EHBP1: variants seen among roughly 807,000 people sequenced by gnomAD.
The protein encoded by EHBP1 is EH domain-binding protein 1.
In EHBP1, 55 loss-of-function variants were observed where a neutral mutation model predicts 144.0. The ratio of observed to expected loss-of-function variants is 0.38; its 90% CI spans 0.31 to 0.48. The LOEUF is 0.48. Among genes scored for constraint, EHBP1 ranks in the 20% least tolerant of loss-of-function variants. The pLI is 0.98. For missense variants in EHBP1, 1,200 were observed against 1,364.2 expected (o/e 0.88, Z 1.90); for synonymous variants, 469 against 472.7 (o/e 0.99, Z 0.10).
chr2:62,806,128 T>A (rs1173361540), intron 5 of EHBP1, among the ~76,000 whole-genome samples: 1 of 151,922 alleles, frequency 6.6e-6, no homozygotes, highest in Admixed American at 6.6e-5. Flanking sequence ...TACAGGCATG[T>A]ACCACCATGC....
intron 8 of EHBP1, among the ~76,000 whole-genome samples, chr2:62,860,942 A>G (rs1457702307): frequency 6.6e-6 from 1 of 152,012 alleles, no homozygotes; most frequent in Admixed American, 6.5e-5. Flanking sequence ...TAGAGTCTTT[A>G]GAGTAAGTAT....
chr2:62,810,073 T>C (rs150134828), intron 5 of EHBP1, among the ~76,000 whole-genome samples: 18 of 152,320 alleles, frequency 1.2e-4, no homozygotes, highest in African/African-American at 4.3e-4. Context: ...TTTAAAAAAT[T>C]AGATTTTTAT....
intron 5 of EHBP1, among the ~76,000 whole-genome samples, chr2:62,825,485 A>G (rs542493636): frequency 2.6e-5 from 4 of 152,130 alleles, no homozygotes; most frequent in African/African-American, 7.2e-5. Context: ...CAGAAAGCCA[A>G]CTGTTTCTTT....
intron 10 of EHBP1, among the ~76,000 whole-genome samples, chr2:62,935,811 C>G (rs1017675024): frequency 1.3e-5 from 2 of 152,064 alleles, no homozygotes; most frequent in Non-Finnish European, 2.9e-5. Context: ...AAAGAAGATT[C>G]TGTATTACAG....
rs574942143 is a variant in EHBP1 at position 62,754,770 on chromosome 2, C to T, written c.162+7318C>T. On this transcript the variant is annotated intron_variant, in intron 3 of 22. Transcript: ENST00000431489. Reference sequence around the variant, plus strand: ...CTAGCAATGGGCAGGGCTCTGTGGGCGTGGGACCCTCCGAGCCAGGAGCGG... The same window carrying T: ...CTAGCAATGGGCAGGGCTCTGTGGGTGTGGGACCCTCCGAGCCAGGAGCGG... 6.4e-4 allele frequency among the ~76,000 whole-genome samples: 98 copies of T among 152,292 alleles called. 2 individuals carry two copies. Among genetic ancestry groups the T allele is most frequent in the Non-Finnish European group, 1.1e-3 (75 of 68,018 alleles).
At chr2:62,706,823 A>G (rs1433876849) in intron 1 of EHBP1, 74 bp from the exon 2 acceptor site, 8 of 202,538 alleles carry the variant, frequency 3.9e-5, no homozygotes, top group Non-Finnish European at 7.1e-5. Flanking sequence ...GCGTTATTTA[A>G]CATGGGTGGT....
At chr2:62,968,495 G>C (rs766130483) in intron 14 of EHBP1, among the ~76,000 whole-genome samples, 11 of 152,086 alleles carry the variant, frequency 7.2e-5, no homozygotes, top group Non-Finnish European at 1.2e-4. Context: ...GGTTTTTCTA[G>C]TGAAAAATAT....
At chr2:62,966,590 A>G (rs1386669906) in intron 14 of EHBP1, among the ~76,000 whole-genome samples, 2 of 152,208 alleles carry the variant, frequency 1.3e-5, no homozygotes, top group Non-Finnish European at 2.9e-5. Flanking sequence ...TTTGAAAATC[A>G]GTAAATTTTA....
chr2:63,026,096 A>G (rs1280042542), intron 19 of EHBP1, among the ~76,000 whole-genome samples: 3 of 152,322 alleles, frequency 2.0e-5, no homozygotes, highest in Non-Finnish European at 4.4e-5. Flanking sequence ...AAATATACTC[A>G]ATGAAACTAA....
intron 7 of EHBP1, among the ~76,000 whole-genome samples, chr2:62,832,127 GATTT>G (rs996837359): frequency 2.6e-5 from 4 of 152,062 alleles, no homozygotes; most frequent in African/African-American, 9.7e-5. Flanking sequence ...TTGCAATTTT[GATTT>G]ATTATTTGGC....
upstream of EHBP1, among the ~76,000 whole-genome samples, chr2:62,702,171 G>A (rs771553752): frequency 3.9e-5 from 6 of 152,224 alleles, no homozygotes; most frequent in Non-Finnish European, 8.8e-5. Context: ...TCATGGCAGA[G>A]AAGATTTAAA....
intron 7 of EHBP1, among the ~76,000 whole-genome samples, chr2:62,835,164 G>C (rs375563273): frequency 2.0e-5 from 3 of 151,948 alleles, no homozygotes; most frequent in African/African-American, 7.2e-5. Context: ...TAACCTATCT[G>C]TGTTATTTTA....
chr2:63,001,489 G>A (rs1042525454), intron 19 of EHBP1, among the ~76,000 whole-genome samples: 17 of 152,244 alleles, frequency 1.1e-4, no homozygotes, highest in Admixed American at 3.9e-4. Flanking sequence ...TAGTATTAAA[G>A]CTGCTTTAAA....
upstream of EHBP1, among the ~76,000 whole-genome samples, chr2:62,701,736 T>C (rs183875799): frequency 6.6e-6 from 1 of 152,272 alleles, no homozygotes; most frequent in Admixed American, 6.5e-5. Context: ...CCTGCCACAG[T>C]GAGATTTTAA....
intron 3 of EHBP1, among the ~76,000 whole-genome samples, chr2:62,752,406 G>GTTAATT (rs1312898827): frequency 6.6e-6 from 1 of 152,162 alleles, no homozygotes; most frequent in Non-Finnish European, 1.5e-5. Flanking sequence ...CAACTGTGTG[G>GTTAATT]TTAATTTTGG....
rs924814225 is a variant in EHBP1, at chr2:63,035,814, T to C, written c.3104-1721T>C. 1.1e-4 allele frequency among the ~76,000 whole-genome samples: 16 copies of C among 152,190 alleles called. No individual in the cohort carries two copies. In the East Asian group the frequency reaches 3.1e-3, roughly 29 times the overall value. On this transcript the variant is annotated intron_variant, in intron 19 of 22. Transcript: ENST00000431489. ...TTTTCTCAGCTTTTTCTTTTTACTC[T>C]TTCTTCTTTTGTTGCTACCCAGGGA... is the stretch of plus-strand genomic sequence containing the variant.
Position 62,854,152 on chromosome 2 carries a change from C to T in EHBP1, c.635-5017C>T, listed in dbSNP as rs373145905. On this transcript the variant is annotated intron_variant, in intron 7 of 22. Transcript: ENST00000431489. ...CTTCTTCTGCAGCTTCCTCACCTCTCTCAGCCTTCACAGAATTGAGTAGAG... is the reference window on the plus strand; with the variant it reads ...CTTCTTCTGCAGCTTCCTCACCTCTTTCAGCCTTCACAGAATTGAGTAGAG... Among the ~76,000 whole-genome samples, 17 of 152,336 alleles carry T rather than the reference C, an allele frequency of 1.1e-4. No individual in the cohort carries two copies. In the East Asian group the frequency reaches 2.5e-3, roughly 22 times the overall value.
intron 9 of EHBP1, among the ~76,000 whole-genome samples, chr2:62,870,762 A>G (rs1259335884): frequency 1.3e-5 from 2 of 148,656 alleles, no homozygotes; most frequent in Middle Eastern, 3.6e-3. Flanking sequence ...TATTTAAAAT[A>G]TATATATGTA....
chr2:62,847,427 T>C (rs1441926271), intron 7 of EHBP1, among the ~76,000 whole-genome samples: 1 of 152,214 alleles, frequency 6.6e-6, no homozygotes, highest in Non-Finnish European at 1.5e-5. Flanking sequence ...CCTGTGTTTC[T>C]GACCTCATGG....
Sources: gnomAD v4.1 joint callset for allele counts (sites outside exome capture counted in the v4.1 genomes callset) on GRCh38, gnomAD v4.1.1 for gene constraint, MANE v1.5 for transcripts, NCBI Gene and HGNC (gene_info 2026-07-23, HGNC 2026-07-21) for gene names.